IL20RA: variants seen among roughly 807,000 people sequenced by gnomAD.
The protein encoded by IL20RA is interleukin 20 receptor subunit alpha, also known as interleukin-20 receptor subunit alpha.
In IL20RA, 29 loss-of-function variants were observed where a neutral mutation model predicts 36.5. That is an observed-to-expected ratio of 0.79 (90% confidence interval 0.59 to 1.08). The LOEUF is 1.08. Among genes scored for constraint, IL20RA ranks in the 50% least tolerant of loss-of-function variants. IL20RA has a pLI of 0.00. For missense variants in IL20RA, 652 were observed against 668.4 expected (o/e 0.98, Z 0.27); for synonymous variants, 279 against 267.1 (o/e 1.04, Z -0.43).
intron 6 of IL20RA, among the ~76,000 whole-genome samples, chr6:137,003,402 G>T (rs556694477): frequency 6.6e-6 from 1 of 152,316 alleles, no homozygotes; most frequent in African/African-American, 2.4e-5. Flanking sequence ...ACCTCTGTGG[G>T]TTTAATTCTT....
chr6:137,023,670 C>T (rs986677693), intron 1 of IL20RA, among the ~76,000 whole-genome samples: 2 of 152,088 alleles, frequency 1.3e-5, no homozygotes, highest in African/African-American at 2.4e-5. Flanking sequence ...TGGGACCTGC[C>T]GATGAAGCAG....
intron 1 of IL20RA, among the ~76,000 whole-genome samples, chr6:137,042,440 C>A (rs1776730095): frequency 6.6e-6 from 1 of 152,166 alleles, no homozygotes; most frequent in African/African-American, 2.4e-5. Context: ...TTATGCTAAT[C>A]ATGGTTCTTT....
rs1365449109 is a variant in IL20RA, at chr6:137,011,389, A to C, written c.288T>G (p.Asp96Glu). Residue 96 changes from aspartate (D) to glutamate (E), a missense_variant, in exon 3 of 7, where the codon GAT (aspartate) becomes GAG (glutamate). Coordinates refer to ENST00000316649, the MANE Select transcript of IL20RA (RefSeq NM_014432.4). ...ECRNINRTYC[D>E]LSAETSDYEH... ...CGTAGTCAGAAGTTTCAGCAGAAAG[A>C]TCACAGTAGGTTCTATTGATATTTC... The C allele has an allele frequency of 1.2e-6, 2 of 1,613,942 alleles. No homozygotes were observed. Among genetic ancestry groups the C allele is most frequent in the Non-Finnish European group, 1.7e-6 (2 of 1,179,806 alleles).
At chr6:137,028,139 T>C (rs1006634213) in intron 1 of IL20RA, among the ~76,000 whole-genome samples, 3 of 151,896 alleles carry the variant, frequency 2.0e-5, no homozygotes, top group African/African-American at 4.8e-5. Context: ...ACAGAAGGGC[T>C]GGGCACAGTG....
chr6:137,037,447 A>G (rs276507), intron 1 of IL20RA, among the ~76,000 whole-genome samples: 32,117 of 152,198 alleles, frequency 0.21, 3,672 homozygotes, highest in Non-Finnish European at 0.26. Context: ...TGCTGTAAGA[A>G]GCAAACAGAA....
chr6:137,004,173 T>TTTTTTTTTTTTTTG (rs1775188390), intron 6 of IL20RA, among the ~76,000 whole-genome samples: 1 of 133,612 alleles, frequency 7.5e-6, no homozygotes, highest in South Asian at 2.6e-4. Flanking sequence ...TTTTTTTTTT[T>TTTTTTTTTTTTTTG]TTTTTTTTTT....
intron 6 of IL20RA, among the ~76,000 whole-genome samples, chr6:137,004,174 T>TTTTTTTTTTTTTTTTTTTTTTTTTTTG (rs1562228088): frequency 8.0e-6 from 1 of 124,490 alleles, no homozygotes; most frequent in Non-Finnish European, 1.7e-5. Flanking sequence ...TTTTTTTTTT[T>TTTTTTTTTTTTTTTTTTTTTTTTTTTG]TTTTTTTTTT....
At chr6:137,040,309 T>C (rs968102252) in intron 1 of IL20RA, among the ~76,000 whole-genome samples, 1 of 151,976 alleles carries the variant, frequency 6.6e-6, no homozygotes, top group Non-Finnish European at 1.5e-5. Flanking sequence ...GATGTGTGTG[T>C]ATAACTACGT....
In IL20RA at chr6:137,008,674, G is replaced by C. The variant is rs767396670; in HGVS notation, c.649C>G (p.His217Asp). Residue 217 changes from histidine to aspartate, a missense_variant, in exon 5 of 7, where the codon CAC (histidine) becomes GAC (aspartate). Transcript: ENST00000316649. ...GGCCCTGGGACGAAGGACTCCACGT[G>C]TACGCAGTAAAGAGTGTTCGGCTCC... ...WLEPNTLYCVHVESFVPGPPR... is the reference protein window; with the variant it reads ...WLEPNTLYCVDVESFVPGPPR... The C allele has an allele frequency of 1.1e-5, 17 of 1,609,268 alleles. No homozygotes were observed. The highest frequency in any genetic ancestry group is 1.7e-4 in the Middle Eastern group (1 of 6,054).
intron 2 of IL20RA, 140 bp downstream of exon 2, chr6:137,016,828 C>A (rs441011): frequency 0.95 from 750,579 of 792,752 alleles, 365,065 homozygotes; most frequent in East Asian, 1. Flanking sequence ...ACAAAACATC[C>A]AGAAAACTTA....
In IL20RA at chr6:137,005,509, A is replaced by G. The variant is rs142975363; in HGVS notation, c.725-749T>C. On this transcript the variant is annotated intron_variant, in intron 5 of 6. Transcript: ENST00000316649. ...GCCATATAGCTGATGACTAGAGCTCATTGTGACTAGCTCATACTTGTTAAG... is the reference window on the plus strand; with the variant it reads ...GCCATATAGCTGATGACTAGAGCTCGTTGTGACTAGCTCATACTTGTTAAG... 3.6e-4 allele frequency among the ~76,000 whole-genome samples: 55 copies of G among 152,316 alleles called. No individual in the cohort carries two copies. The East Asian group carries it at 5.8e-3, about 16-fold the overall frequency.
chr6:137,007,216 T>A (rs751943607), intron 5 of IL20RA, among the ~76,000 whole-genome samples: 8 of 152,252 alleles, frequency 5.3e-5, no homozygotes, highest in Admixed American at 1.3e-4. Context: ...TTCTTCAATA[T>A]GCTTTGTTTT....
chr6:137,016,341 T>C (rs1228637568), intron 2 of IL20RA, among the ~76,000 whole-genome samples: 2 of 152,248 alleles, frequency 1.3e-5, no homozygotes, highest in African/African-American at 2.4e-5. Flanking sequence ...TGCACTGTGA[T>C]ACTTATTTTG....
At chr6:137,031,507 T>C (rs1018657123) in intron 1 of IL20RA, among the ~76,000 whole-genome samples, 2 of 152,258 alleles carry the variant, frequency 1.3e-5, no homozygotes, top group African/African-American at 4.8e-5. Context: ...CAGTATTCAG[T>C]ACAGTAGCAT....
chr6:137,004,159 C>CGTTTTTTTTTTTTTTTTTTT lies in IL20RA; in HGVS notation c.864+461_864+462insAAAAAAAAAAAAAAAAAAAC, dbSNP rs531501235. Among the ~76,000 whole-genome samples the CGTTTTTTTTTTTTTTTTTTT allele has an allele frequency of 2.3e-5, 2 of 88,016 alleles. 1 individual carries two copies. Among genetic ancestry groups the CGTTTTTTTTTTTTTTTTTTT allele is most frequent in the African/African-American group, 1.1e-4 (2 of 18,006 alleles). The allele number at this position is 88,016 out of a possible 152,430, so 57.7% of individuals were successfully genotyped here. ...TCTGTTAGTCAGCTAATCCAGAAAG[C>CGTTTTTTTTTTTTTTTTTTT]TTTTTTTTTTTTTTTTTTTTTTTTT... On this transcript the variant is annotated intron_variant, in intron 6 of 6. Coordinates refer to ENST00000316649, the MANE Select transcript of IL20RA (RefSeq NM_014432.4).
chr6:137,004,512 T>C lies in IL20RA; in HGVS notation c.864+109A>G. ...TTTTAATTCACCAGCTATTTAACTT[T>C]AAATTCACTCTGCCCTTAAAGGGAA... On this transcript the variant is annotated intron_variant, in intron 6 of 6. Transcript: ENST00000316649. 1.0e-5 allele frequency: 11 copies of C among 1,102,670 alleles called. No individual in the cohort carries two copies. In the South Asian group the frequency reaches 1.5e-4, roughly 15 times the overall value. 68.3% of individuals were successfully genotyped at this position (1,102,670 alleles called of 1,614,324 possible).
intron 1 of IL20RA, among the ~76,000 whole-genome samples, chr6:137,029,064 A>G (rs1776187159): frequency 6.6e-6 from 1 of 152,224 alleles, no homozygotes; most frequent in Non-Finnish European, 1.5e-5. Context: ...AAGGGAGCTT[A>G]TGAAATTCAT....
intron 1 of IL20RA, among the ~76,000 whole-genome samples, chr6:137,019,528 TAGAC>T (rs1485877086): frequency 1.3e-5 from 2 of 152,156 alleles, no homozygotes; most frequent in Admixed American, 6.5e-5. Flanking sequence ...GTAAAAGAAA[TAGAC>T]AGGCAATTTT....
chr6:137,038,998 T>A (rs932614895), intron 1 of IL20RA, among the ~76,000 whole-genome samples: 1 of 152,248 alleles, frequency 6.6e-6, no homozygotes. Flanking sequence ...ATCTTAATTT[T>A]AAAGCAATAA....
Sources: gnomAD v4.1 joint callset for allele counts (sites outside exome capture counted in the v4.1 genomes callset) on GRCh38, gnomAD v4.1.1 for gene constraint, MANE v1.5 for transcripts, NCBI Gene and HGNC (gene_info 2026-07-23, HGNC 2026-07-21) for gene names.